PARN: variants seen among roughly 807,000 people sequenced by gnomAD.
The protein encoded by PARN is poly(A)-specific ribonuclease PARN.
Under a neutral mutation model 102.8 loss-of-function variants are expected in PARN, and 71 were observed. The ratio of observed to expected loss-of-function variants is 0.69; its 90% CI spans 0.57 to 0.84. PARN has a LOEUF of 0.84. PARN is among the 40% of genes least tolerant of loss of function. PARN has a pLI of 0.00. For missense variants in PARN, 782 were observed against 760.9 expected (o/e 1.03, Z -0.33); for synonymous variants, 261 against 252.9 (o/e 1.03, Z -0.30).
intron 2 of PARN, among the ~76,000 whole-genome samples, 172 bp downstream of exon 2, chr16:14,629,425 T>C (rs766608231): frequency 6.6e-6 from 1 of 152,220 alleles, no homozygotes; most frequent in Non-Finnish European, 1.5e-5. Context: ...TATCTTCATT[T>C]CTTTCGTGCT....
intron 22 of PARN, among the ~76,000 whole-genome samples, chr16:14,482,067 C>A (rs1260093031): frequency 1.3e-5 from 2 of 152,104 alleles, no homozygotes; most frequent in Non-Finnish European, 2.9e-5. Flanking sequence ...GAACAAGACA[C>A]AAAGCCTCCA....
intron 21 of PARN, among the ~76,000 whole-genome samples, chr16:14,523,224 TACACACACACAC>T (rs35250440): frequency 1.0e-4 from 15 of 144,132 alleles, no homozygotes; most frequent in South Asian, 2.2e-4. Flanking sequence ...AACTAACAAG[TACACACACACAC>T]ACACACACAC....
At chr16:14,449,858 G>A (rs1961373292) in intron 22 of PARN, among the ~76,000 whole-genome samples, 1 of 152,080 alleles carries the variant, frequency 6.6e-6, no homozygotes, top group Non-Finnish European at 1.5e-5. Context: ...AGTAGACTGG[G>A]GAAATGGGTC....
intron 21 of PARN, among the ~76,000 whole-genome samples, chr16:14,487,113 G>GC (rs1466950861): frequency 1.4e-4 from 22 of 152,242 alleles, no homozygotes; most frequent in Non-Finnish European, 2.8e-4. Flanking sequence ...TCCGAAGGCA[G>GC]CATCAACGCG....
chr16:14,460,866 T>C (rs1037585396), intron 22 of PARN, among the ~76,000 whole-genome samples: 6 of 152,208 alleles, frequency 3.9e-5, no homozygotes, highest in African/African-American at 1.4e-4. Flanking sequence ...CCACTTAGAC[T>C]TGGGCTGTGT....
At chr16:14,502,911 C>T (rs1319809543) in intron 21 of PARN, among the ~76,000 whole-genome samples, 1 of 152,008 alleles carries the variant, frequency 6.6e-6, no homozygotes, top group Non-Finnish European at 1.5e-5. Context: ...ATGGATTTTA[C>T]CAGAGATCAG....
chr16:14,454,543 A>C (rs1292307137), intron 22 of PARN, among the ~76,000 whole-genome samples: 1 of 152,078 alleles, frequency 6.6e-6, no homozygotes, highest in Non-Finnish European at 1.5e-5. Context: ...TTATCATTTT[A>C]GTTCTTCCAT....
intron 21 of PARN, among the ~76,000 whole-genome samples, chr16:14,527,765 G>A (rs1430901714): frequency 6.6e-6 from 1 of 152,128 alleles, no homozygotes; most frequent in Non-Finnish European, 1.5e-5. Flanking sequence ...CAGGAACACT[G>A]GGTATCCCTC....
chr16:14,581,238 G>A (rs1009407420), intron 17 of PARN, among the ~76,000 whole-genome samples: 13 of 152,058 alleles, frequency 8.5e-5, no homozygotes, highest in African/African-American at 2.9e-4. Flanking sequence ...TTTTAGTGGA[G>A]ACAGGGTTTT....
At chr16:14,534,489 T>TG (rs1393398686) in intron 21 of PARN, among the ~76,000 whole-genome samples, 1 of 152,168 alleles carries the variant, frequency 6.6e-6, no homozygotes, top group African/African-American at 2.4e-5. Context: ...CAAACTTATT[T>TG]GGGGCATTAA....
chr16:14,467,655 T>C (rs1962442675), intron 22 of PARN, among the ~76,000 whole-genome samples: 1 of 152,204 alleles, frequency 6.6e-6, no homozygotes, highest in African/African-American at 2.4e-5. Context: ...TGAAAAGTCT[T>C]CAGACCTAAT....
chr16:14,514,149 G>A (rs905309595), intron 21 of PARN, among the ~76,000 whole-genome samples: 1 of 152,130 alleles, frequency 6.6e-6, no homozygotes, highest in African/African-American at 2.4e-5. Context: ...GGGGATATAA[G>A]AGTCACTTTA....
At chr16:14,500,134 C>G (rs2151623276) in intron 21 of PARN, among the ~76,000 whole-genome samples, 1 of 152,268 alleles carries the variant, frequency 6.6e-6, no homozygotes, top group Middle Eastern at 3.4e-3. Context: ...CGGTTCACTG[C>G]AGCCTCAACT....
chr16:14,533,260 G>C (rs1966451224), intron 21 of PARN, among the ~76,000 whole-genome samples: 1 of 152,118 alleles, frequency 6.6e-6, no homozygotes, highest in Non-Finnish European at 1.5e-5. Context: ...ATGAAAACCA[G>C]TCAGGCGTGG....
intron 18 of PARN, among the ~76,000 whole-genome samples, chr16:14,572,376 C>A (rs1466900625): frequency 6.6e-6 from 1 of 151,864 alleles, no homozygotes; most frequent in Non-Finnish European, 1.5e-5. Flanking sequence ...AATAAGTTGA[C>A]ACTGGGAAGA....
intron 9 of PARN, 68 bp from the exon 10 acceptor site, chr16:14,606,594 A>T: frequency 1.3e-6 from 1 of 791,672 alleles, no homozygotes; most frequent in South Asian, 1.6e-5. Context: ...GTATTTTATA[A>T]GCAACTATCC....
At chr16:14,494,414 G>A (rs1964206886) in intron 21 of PARN, among the ~76,000 whole-genome samples, 1 of 152,168 alleles carries the variant, frequency 6.6e-6, no homozygotes, top group Non-Finnish European at 1.5e-5. Context: ...ATGGGGAAAT[G>A]ACCACACCTG....
chr16:14,625,204 A>C (rs191133907), intron 5 of PARN, among the ~76,000 whole-genome samples: 384 of 152,044 alleles, frequency 2.5e-3, no homozygotes, highest in Middle Eastern at 6.8e-3. Context: ...TTACCAAAAA[A>C]AAAACAAAAC....
At chr16:14,562,102 C>T (rs1350654913) in intron 18 of PARN, among the ~76,000 whole-genome samples, 1 of 152,096 alleles carries the variant, frequency 6.6e-6, no homozygotes, top group East Asian at 1.9e-4. Context: ...CACCATTACA[C>T]TCCAGCCTGG....
Sources: allele counts gnomAD v4.1 joint callset (sites outside exome capture counted in the v4.1 genomes callset), GRCh38; gene constraint gnomAD v4.1.1; transcripts MANE v1.5; gene names NCBI Gene and HGNC (gene_info 2026-07-23, HGNC 2026-07-21).